Variants in MGAT4C observed in about 807,000 individuals in gnomAD.
MGAT4C encodes alpha-1,3-mannosyl-glycoprotein 4-beta-N-acetylglucosaminyltransferase C.
In MGAT4C, 19 loss-of-function variants were observed where a neutral mutation model predicts 40.1. The ratio of observed to expected loss-of-function variants is 0.47; its 90% CI spans 0.33 to 0.70. MGAT4C has a LOEUF of 0.70. MGAT4C is among the 30% of genes least tolerant of loss of function. MGAT4C has a pLI of 0.02. For missense variants in MGAT4C, 491 were observed against 563.2 expected, an observed-to-expected ratio of 0.87 and a Z score of 1.30; for synonymous variants, 181 against 187.1, an observed-to-expected ratio of 0.97 and a Z score of 0.27.
At chr12:86,427,341 G>A (rs1318709283) in intron 3 of MGAT4C, among the ~76,000 whole-genome samples, 1 of 152,022 alleles carries the variant, frequency 6.6e-6, no homozygotes, top group East Asian at 1.9e-4. Flanking sequence ...AGTTTAAAAT[G>A]TGCTAACAAT....
chr12:86,835,982 C>T (rs1037691910), intron 1 of MGAT4C, among the ~76,000 whole-genome samples: 16 of 151,912 alleles, frequency 1.1e-4, no homozygotes, highest in African/African-American at 2.7e-4. Context: ...TGAGCATATG[C>T]GGTGCACAAA....
chr12:86,802,687 C>A (rs1184763648), intron 1 of MGAT4C, among the ~76,000 whole-genome samples: 2 of 148,912 alleles, frequency 1.3e-5, no homozygotes, highest in Non-Finnish European at 3.0e-5. Flanking sequence ...GAATAAAATA[C>A]CTAGGAATCC....
chr12:86,512,793 A>G (rs1958614731), intron 2 of MGAT4C, among the ~76,000 whole-genome samples: 1 of 152,002 alleles, frequency 6.6e-6, no homozygotes, highest in Non-Finnish European at 1.5e-5. Context: ...GAATATAGGG[A>G]GTTTCTGTTC....
At chr12:86,764,961 C>T (rs554049295) in intron 1 of MGAT4C, among the ~76,000 whole-genome samples, 1 of 152,320 alleles carries the variant, frequency 6.6e-6, no homozygotes, top group South Asian at 2.1e-4. Flanking sequence ...CAGAGCGCCT[C>T]TCCTACTCCA....
intron 1 of MGAT4C, among the ~76,000 whole-genome samples, chr12:86,749,061 C>T (rs1951196354): frequency 6.6e-6 from 1 of 151,012 alleles, no homozygotes; most frequent in Non-Finnish European, 1.5e-5. Flanking sequence ...TATCGTAAAC[C>T]TGCCTAAACT....
At chr12:86,645,937 T>C (rs1748803441) in intron 2 of MGAT4C, among the ~76,000 whole-genome samples, 1 of 151,870 alleles carries the variant, frequency 6.6e-6, no homozygotes, top group Admixed American at 6.6e-5. Flanking sequence ...AAGAATACTT[T>C]TAATTAATCT....
intron 1 of MGAT4C, among the ~76,000 whole-genome samples, chr12:86,074,337 T>TATAG (rs3991314): frequency 0.57 from 85,401 of 148,956 alleles, 24,710 homozygotes; most frequent in Middle Eastern, 0.66. Context: ...TTAATAAACA[T>TATAG]ATAGATAGAT....
intron 1 of MGAT4C, among the ~76,000 whole-genome samples, chr12:86,122,469 T>A (rs1364692246): frequency 6.6e-6 from 1 of 152,180 alleles, no homozygotes; most frequent in African/African-American, 2.4e-5. Flanking sequence ...TTATTATAAT[T>A]GTAGTGCTTA....
chr12:86,483,451 G>A (rs1458783084), intron 2 of MGAT4C, among the ~76,000 whole-genome samples: 2 of 152,002 alleles, frequency 1.3e-5, no homozygotes, highest in African/African-American at 2.4e-5. Flanking sequence ...TTAGATGAGT[G>A]TGTATTGTTT....
rs145898115 is a variant in MGAT4C, at chr12:86,780,443, A to G, written c.-261-53202T>C. 5.9e-3 allele frequency among the ~76,000 whole-genome samples: 905 copies of G among 152,234 alleles called. 12 individuals are homozygous for G. The highest frequency in any genetic ancestry group is 0.021 in the African/African-American group (866 of 41,548). ...GGGGCGGGTGGGAGGTGATTGGATC[A>G]TGGGGGCAGATTTCTCCCTTGCTGT... On this transcript the variant is annotated intron_variant, in intron 1 of 7. Coordinates refer to the MGAT4C transcript ENST00000548651.
At chr12:86,307,820 A>G (rs1953976858) in intron 4 of MGAT4C, among the ~76,000 whole-genome samples, 1 of 149,688 alleles carries the variant, frequency 6.7e-6, no homozygotes. Context: ...CTCCTGCCTC[A>G]GCCTCCAGAG....
intron 3 of MGAT4C, among the ~76,000 whole-genome samples, chr12:85,987,325 G>A (rs1456435594): frequency 6.6e-6 from 1 of 150,984 alleles, no homozygotes; most frequent in Non-Finnish European, 1.5e-5. Flanking sequence ...TTTTAGTAGA[G>A]ACGGGGTTTC....
chr12:86,011,562 T>C (rs1888462126), intron 2 of MGAT4C, among the ~76,000 whole-genome samples: 1 of 152,160 alleles, frequency 6.6e-6, no homozygotes, highest in South Asian at 2.1e-4. Flanking sequence ...GAGAGAGATG[T>C]TGTTGGCTTA....
intron 2 of MGAT4C, among the ~76,000 whole-genome samples, chr12:86,708,158 C>A (rs1405509684): frequency 2.0e-5 from 3 of 152,176 alleles, no homozygotes; most frequent in Non-Finnish European, 4.4e-5. Context: ...CCAGGGTCCC[C>A]ATGCTGTTTG....
At chr12:86,091,821 A>G (rs1592913944) in intron 1 of MGAT4C, among the ~76,000 whole-genome samples, 1 of 152,016 alleles carries the variant, frequency 6.6e-6, no homozygotes, top group Admixed American at 6.6e-5. Context: ...GCTTCACATA[A>G]CCTGCAAGTT....
intron 2 of MGAT4C, among the ~76,000 whole-genome samples, chr12:86,493,637 G>A (rs749103183): frequency 2.5e-4 from 38 of 151,224 alleles, no homozygotes; most frequent in Admixed American, 5.3e-4. Context: ...TCACACTCTG[G>A]GGACTGTCGT....
chr12:86,062,330 A>G (rs1255997706), intron 1 of MGAT4C, among the ~76,000 whole-genome samples: 3 of 152,176 alleles, frequency 2.0e-5, no homozygotes, highest in Non-Finnish European at 4.4e-5. Flanking sequence ...GATAGCGTCA[A>G]GATCAAATAA....
At chr12:86,201,173 C>T (rs1950034554) in intron 1 of MGAT4C, among the ~76,000 whole-genome samples, 2 of 152,118 alleles carry the variant, frequency 1.3e-5, no homozygotes, top group South Asian at 2.1e-4. Flanking sequence ...GTTATTTCCC[C>T]TATTTTTTCT....
intron 1 of MGAT4C, among the ~76,000 whole-genome samples, chr12:86,187,822 G>A (rs1888942379): frequency 6.6e-6 from 1 of 151,812 alleles, no homozygotes; most frequent in East Asian, 1.9e-4. Flanking sequence ...TATCTAAGGT[G>A]CGCTTCACTA....
Sources: allele counts gnomAD v4.1 joint callset (sites outside exome capture counted in the v4.1 genomes callset), GRCh38; gene constraint gnomAD v4.1.1; transcripts MANE v1.5; gene names NCBI Gene and HGNC (gene_info 2026-07-23, HGNC 2026-07-21).